ACSM5: variants seen among roughly 807,000 people sequenced by gnomAD.
ACSM5 encodes the protein acyl-CoA synthetase medium chain family member 5.
In ACSM5, 56 loss-of-function variants were observed where a neutral mutation model predicts 71.6. The observed-to-expected ratio is 0.78, with a 90% CI of 0.63 to 0.98. The LOEUF (loss-of-function observed/expected upper bound fraction) is 0.98. Ranked by LOEUF, ACSM5 falls within the 50% of genes least tolerant of loss-of-function variation. ACSM5 has a pLI of 0.00. For missense variants in ACSM5, 723 were observed against 726.0 expected (o/e 1.00, Z 0.05); for synonymous variants, 285 against 281.5 (o/e 1.01, Z -0.12).
At chr16:20,429,648 T>C (rs1967054288) in intron 7 of ACSM5, 30 bp from the exon 8 acceptor site, 3 of 1,613,324 alleles carry the variant, frequency 1.9e-6, no homozygotes, top group South Asian at 2.2e-5. Flanking sequence ...GATCCTGACA[T>C]AGGTGGCCTT....
intron 12 of ACSM5, among the ~76,000 whole-genome samples, chr16:20,438,552 C>T (rs1355631029): frequency 3.3e-5 from 5 of 151,760 alleles, no homozygotes; most frequent in South Asian, 2.1e-4. Flanking sequence ...ATACCTCAAA[C>T]GTATGCCTAG....
chr16:20,422,076 A>T (rs1966890527), intron 5 of ACSM5, among the ~76,000 whole-genome samples: 1 of 152,010 alleles, frequency 6.6e-6, no homozygotes, highest in Non-Finnish European at 1.5e-5. Flanking sequence ...ATTCCATTGT[A>T]TGGATAGACC....
intron 7 of ACSM5, among the ~76,000 whole-genome samples, chr16:20,429,420 A>C (rs1967050653): frequency 6.6e-6 from 1 of 152,106 alleles, no homozygotes; most frequent in Non-Finnish European, 1.5e-5. Flanking sequence ...GTTACCTGGA[A>C]CTCACCATAT....
Position 20,431,951 on chromosome 16 carries a change from A to ATAATAAT in ACSM5, c.1308+630_1308+631insTAATAAT, listed in dbSNP as rs1212880644. Among the ~76,000 whole-genome samples, 178 of 141,590 alleles carry ATAATAAT rather than the reference A, an allele frequency of 1.3e-3. 6 individuals carry two copies. The highest frequency in any genetic ancestry group is 6.1e-3 in the Admixed American group (84 of 13,838). 92.9% of individuals were successfully genotyped at this position (141,590 alleles called of 152,430 possible). On this transcript the variant is annotated intron_variant, in intron 10 of 13. Transcript: ENST00000331849. Reference sequence around the variant, plus strand: ...GGGAACGAGACTCCGTATCAAAAAAAAAAAATAATAATAATAATAAAATAA... The same window carrying ATAATAAT: ...GGGAACGAGACTCCGTATCAAAAAAATAATAATAAAAATAATAATAATAATAAAATAA...
At chr16:20,409,855 C>T in intron 1 of ACSM5, among the ~76,000 whole-genome samples, 190 bp downstream of exon 1, 1 of 121,066 alleles carries the variant, frequency 8.3e-6, no homozygotes, top group Non-Finnish European at 1.6e-5. Context: ...TGGGGCAGAG[C>T]TCAGTTCAGG....
intron 6 of ACSM5, among the ~76,000 whole-genome samples, chr16:20,424,360 T>C (rs549370219): frequency 4.4e-4 from 67 of 152,246 alleles, no homozygotes; most frequent in African/African-American, 1.5e-3. Context: ...CCCTAGGTAT[T>C]TGTCAAACCC....
intron 4 of ACSM5, chr16:20,419,707 T>G (rs1391023718): frequency 2.0e-6 from 1 of 491,424 alleles, no homozygotes; most frequent in Non-Finnish European, 3.7e-6. Flanking sequence ...TCAGAGTACA[T>G]GAAATAACCA....
At chr16:20,425,022 A>T (rs1407568783) in intron 6 of ACSM5, among the ~76,000 whole-genome samples, 2 of 152,218 alleles carry the variant, frequency 1.3e-5, no homozygotes, top group African/African-American at 4.8e-5. Context: ...CAGTTATTTT[A>T]AAATGTACAA....
chr16:20,414,311 A>T (rs1966852620), intron 2 of ACSM5, among the ~76,000 whole-genome samples: 1 of 152,210 alleles, frequency 6.6e-6, no homozygotes. Context: ...TATCTGGATG[A>T]GCCTAATATA....
At chr16:20,416,974 A>G (rs1966857715) in intron 2 of ACSM5, among the ~76,000 whole-genome samples, 1 of 150,432 alleles carries the variant, frequency 6.6e-6, no homozygotes. Context: ...CATTAGGGAA[A>G]TGCAAATCCT....
At chr16:20,434,015 G>A (rs1438076034) in intron 10 of ACSM5, among the ~76,000 whole-genome samples, 1 of 151,964 alleles carries the variant, frequency 6.6e-6, no homozygotes, top group African/African-American at 2.4e-5. Flanking sequence ...TCGGTCCTTT[G>A]TTTGTTTTAA....
intron 4 of ACSM5, 176 bp from the exon 5 acceptor site, chr16:20,421,082 A>G: frequency 1.6e-6 from 1 of 633,274 alleles, no homozygotes; most frequent in Non-Finnish European, 2.4e-6. Context: ...CAAAAGGGTT[A>G]TAATGATAGT....
At chr16:20,432,776 CA>C (rs2141658330) in intron 10 of ACSM5, among the ~76,000 whole-genome samples, 1 of 144,892 alleles carries the variant, frequency 6.9e-6, no homozygotes, top group South Asian at 2.3e-4. Flanking sequence ...ATTTGCTAGA[CA>C]ACAATCTAGT....
Position 20,425,343 on chromosome 16 carries a change from A to C in ACSM5, c.921+1274A>C, listed in dbSNP as rs149061652. ...GACAGGACCTCATTCTTTTTTATGG[A>C]TCCATTGTGTATATGTACATCTTCT... On this transcript the variant is annotated intron_variant, in intron 6 of 13. Coordinates refer to ENST00000331849, the MANE Select transcript of ACSM5 (RefSeq NM_017888.3). Among the ~76,000 whole-genome samples, 645 of 152,184 alleles carry C rather than the reference A, an allele frequency of 4.2e-3. 6 individuals are homozygous for C. Among genetic ancestry groups the C allele is most frequent in the African/African-American group, 0.015 (620 of 41,524 alleles).
chr16:20,425,798 A>G (rs1966967849), intron 6 of ACSM5, among the ~76,000 whole-genome samples: 1 of 151,854 alleles, frequency 6.6e-6, no homozygotes, highest in Non-Finnish European at 1.5e-5. Context: ...CATTATATAT[A>G]TTTATATACC....
intron 10 of ACSM5, among the ~76,000 whole-genome samples, chr16:20,436,073 T>C (rs1967189727): frequency 6.7e-6 from 1 of 149,444 alleles, no homozygotes; most frequent in Non-Finnish European, 1.5e-5. Context: ...CTTCATTCCT[T>C]CTTCTTCCTT....
rs1288647148 is a variant in ACSM5 at position 20,411,325 on chromosome 16, T to C, written c.-15-145T>C. 4.3e-5 allele frequency: 29 copies of C among 677,758 alleles called. No homozygotes were observed. In the East Asian group the frequency reaches 7.6e-4, roughly 18 times the overall value. The allele number at this position is 677,758 out of a possible 1,614,324, so 42.0% of individuals were successfully genotyped here. ...AGAAATGACCATCACACAGCAGAAC[T>C]GAGACTGAAGGTGGAGAGTTTATTC... is the stretch of plus-strand genomic sequence containing the variant. On this transcript the variant is annotated intron_variant, in intron 1 of 13. Coordinates refer to ENST00000331849, the MANE Select transcript of ACSM5 (RefSeq NM_017888.3).
Position 20,431,231 on chromosome 16 carries a change from T to C in ACSM5, c.1218T>C (p.Asp406=). Residue 406 remains aspartate, a synonymous_variant, in exon 10 of 14, where the codon GAT becomes GAC. Coordinates refer to ENST00000331849, the MANE Select transcript of ACSM5 (RefSeq NM_017888.3). ...SPPYDVQIVD[D]EGNVLPPGEE... Reference sequence around the variant, plus strand: ...GATTTCCTTACCAGATTGTGGATGATGAGGGCAACGTCCTGCCTCCTGGAG... The same window carrying C: ...GATTTCCTTACCAGATTGTGGATGACGAGGGCAACGTCCTGCCTCCTGGAG... 1 of 1,614,138 alleles carries C rather than the reference T, an allele frequency of 6.2e-7. No individual in the cohort carries two copies. Among genetic ancestry groups the C allele is most frequent in the Non-Finnish European group, 8.5e-7 (1 of 1,180,004 alleles).
At chr16:20,438,780 C>G (rs1029290594) in intron 12 of ACSM5, among the ~76,000 whole-genome samples, 2 of 150,316 alleles carry the variant, frequency 1.3e-5, no homozygotes, top group Admixed American at 1.3e-4. Flanking sequence ...ACAGTGAAAC[C>G]CCATCTCTAC....
Sources: allele counts gnomAD v4.1 joint callset (sites outside exome capture counted in the v4.1 genomes callset), GRCh38; gene constraint gnomAD v4.1.1; transcripts MANE v1.5; gene names NCBI Gene and HGNC (gene_info 2026-07-23, HGNC 2026-07-21).